Variants in TULP4 observed in about 807,000 individuals in gnomAD.
TULP4 encodes the protein TUB like protein 4.
A neutral mutation model predicts 129.0 loss-of-function variants in TULP4; 16 were observed. The observed-to-expected ratio is 0.12, with a 90% confidence interval of 0.08 to 0.19. TULP4 has a LOEUF of 0.19. TULP4 is among the 10% of genes least tolerant of loss of function. TULP4 has a pLI of 1.00. For synonymous variants in TULP4, 998 were observed against 854.0 expected (o/e 1.17, Z -2.94); for missense variants, 1,842 against 2,059.1 (o/e 0.89, Z 2.04).
At chr6:158,264,603 G>A (rs1778416657) in intron 1 of TULP4, among the ~76,000 whole-genome samples, 1 of 152,098 alleles carries the variant, frequency 6.6e-6, no homozygotes, top group African/African-American at 2.4e-5. Flanking sequence ...GCCTGGACAA[G>A]TCCCTGACGC....
At chr6:158,279,766 T>A (rs1480570233), upstream of TULP4, among the ~76,000 whole-genome samples, 2 of 152,062 alleles carry the variant, frequency 1.3e-5, no homozygotes, top group Non-Finnish European at 2.9e-5. Context: ...TCACTCTTAG[T>A]GAGATATACA....
chr6:158,317,762 A>T lies in TULP4; in HGVS notation c.252+3494A>T, dbSNP rs9456288. Among the ~76,000 whole-genome samples, 730 of 152,276 alleles carry T rather than the reference A, an allele frequency of 4.8e-3. 6 individuals are homozygous for T. The highest frequency in any genetic ancestry group is 0.016 in the African/African-American group (669 of 41,538). On this transcript the variant is annotated intron_variant, in intron 1 of 13. Coordinates refer to ENST00000367097, the MANE Select transcript of TULP4 (RefSeq NM_020245.5). ...TCTTCCACAATGGTTGAACTAGTCT[A>T]CACTCCCACCAACAGTGTAAAAGCG...
intron 1 of TULP4, among the ~76,000 whole-genome samples, chr6:158,351,026 T>C (rs939454635): frequency 6.6e-6 from 1 of 152,148 alleles, no homozygotes; most frequent in Non-Finnish European, 1.5e-5. Flanking sequence ...AGTGCTAGTA[T>C]TACAGGCATG....
At chr6:158,489,471 C>T in intron 8 of TULP4, 117 bp from the exon 9 acceptor site, 1 of 1,287,398 alleles carries the variant, frequency 7.8e-7, no homozygotes, top group Non-Finnish European at 1.1e-6. Flanking sequence ...GTTTCAACCT[C>T]TAGGTCTAAA....
At chr6:158,238,353 A>C in intron 1 of TULP4, 1 of 739,816 alleles carries the variant, frequency 1.4e-6, no homozygotes, top group South Asian at 1.6e-5. Flanking sequence ...GTAAACTGGC[A>C]GATATTTTGA....
intron 1 of TULP4, chr6:158,237,754 T>G (rs765599592): frequency 1.2e-4 from 95 of 821,698 alleles, no homozygotes; most frequent in Admixed American, 1.7e-4. Flanking sequence ...CTTCCAAATG[T>G]ATGTAGCACC....
intron 3 of TULP4, among the ~76,000 whole-genome samples, chr6:158,434,826 A>C (rs1030476197): frequency 6.6e-5 from 10 of 152,190 alleles, no homozygotes; most frequent in Admixed American, 2.6e-4. Flanking sequence ...CACTGAGGAA[A>C]GGTCAAAAGA....
In TULP4 at chr6:158,507,963, TTAC is replaced by T. The variant is rs369343188; in HGVS notation, c.*1272_*1274del. ...GTTGTTTATTAACTGTACAGACTGT[TTAC>T]TAAGGAGCTAAACCACTGAGAAAAC... On this transcript the variant is annotated 3_prime_UTR_variant, in exon 14 of 14. Coordinates refer to ENST00000367097, the MANE Select transcript of TULP4 (RefSeq NM_020245.5). 67 of 152,322 alleles carry T rather than the reference TTAC, an allele frequency of 4.4e-4. 1 individual carries two copies. The highest frequency in any genetic ancestry group is 1.4e-3 in the African/African-American group (60 of 41,574). 9.4% of individuals were successfully genotyped at this position (152,322 alleles called of 1,614,324 possible). A position where few individuals can be genotyped will look rare whatever the true frequency, so the allele number is the denominator to read the frequency against.
At chr6:158,281,516 A>G (rs887865721), upstream of TULP4, among the ~76,000 whole-genome samples, 2 of 152,156 alleles carry the variant, frequency 1.3e-5, no homozygotes, top group Admixed American at 1.3e-4. Flanking sequence ...TCCTTCCATT[A>G]GCCAGAAGGG....
chr6:158,442,712 A>G (rs1778926976), intron 3 of TULP4, among the ~76,000 whole-genome samples: 1 of 152,096 alleles, frequency 6.6e-6, no homozygotes, highest in Non-Finnish European at 1.5e-5. Flanking sequence ...GTTCCACAGG[A>G]CATTTGATGA....
At chr6:158,434,307 A>G (rs1354525242) in intron 3 of TULP4, among the ~76,000 whole-genome samples, 1 of 152,246 alleles carries the variant, frequency 6.6e-6, no homozygotes, top group African/African-American at 2.4e-5. Flanking sequence ...TAAAAGTTAC[A>G]GAAGAAATAG....
In TULP4 at chr6:158,313,980, CAT is replaced by C. The variant is rs1562516437; in HGVS notation, c.-36_-35del. The C allele has an allele frequency of 1.9e-6, 3 of 1,601,104 alleles. No individual in the cohort carries two copies. Among genetic ancestry groups the C allele is most frequent in the Non-Finnish European group, 2.6e-6 (3 of 1,171,564 alleles). ...ATTGGTTTAAATTTCACAGCATTAACATTACTTTTTAAGTAAAACAGTTCATT... is the reference window on the plus strand; with the variant it reads ...ATTGGTTTAAATTTCACAGCATTAACTACTTTTTAAGTAAAACAGTTCATT... On this transcript the variant is annotated 5_prime_UTR_variant, in exon 1 of 14. An upstream open reading frame in the 5' UTR gains an earlier in-frame stop. Transcript: ENST00000367097.
At chr6:158,267,502 A>G (rs969698182) in intron 1 of TULP4, among the ~76,000 whole-genome samples, 1 of 152,178 alleles carries the variant, frequency 6.6e-6, no homozygotes, top group Non-Finnish European at 1.5e-5. Context: ...AGGACCTGGG[A>G]GGATTCCAGA....
At chr6:158,245,929 G>C (rs1778020382) in intron 1 of TULP4, among the ~76,000 whole-genome samples, 1 of 152,106 alleles carries the variant, frequency 6.6e-6, no homozygotes, top group African/African-American at 2.4e-5. Flanking sequence ...TGGTCTCAAA[G>C]ACTGCACCAA....
chr6:158,359,758 A>G (rs1780725892), intron 1 of TULP4, among the ~76,000 whole-genome samples: 1 of 152,192 alleles, frequency 6.6e-6, no homozygotes, highest in African/African-American at 2.4e-5. Context: ...GACATTGAAT[A>G]TTAACCATCA....
intron 1 of TULP4, among the ~76,000 whole-genome samples, chr6:158,405,357 G>A (rs1777954463): frequency 6.6e-6 from 1 of 152,208 alleles, no homozygotes; most frequent in African/African-American, 2.4e-5. Context: ...AAGACAGTTT[G>A]AGAGAGAAAG....
In TULP4 at chr6:158,511,366, T is replaced by C. The variant is rs1256385843; in HGVS notation, c.*4672T>C. ...AATTTGGACATAATTTCTGAGTTTATTACTACTGGCATTTTCTTTTTCCCT... is the reference window on the plus strand; with the variant it reads ...AATTTGGACATAATTTCTGAGTTTACTACTACTGGCATTTTCTTTTTCCCT... On this transcript the variant is annotated 3_prime_UTR_variant, in exon 14 of 14. Coordinates refer to ENST00000367097, the MANE Select transcript of TULP4 (RefSeq NM_020245.5). 6.7e-6 allele frequency: 1 copy of C among 150,148 alleles called. No homozygotes were observed. The highest frequency in any genetic ancestry group is 1.5e-5 in the Non-Finnish European group (1 of 67,824). 9.3% of individuals were successfully genotyped at this position (150,148 alleles called of 1,614,324 possible).
In TULP4 at chr6:158,321,465, T is replaced by C. The variant is rs149565209; in HGVS notation, c.252+7197T>C. Among the ~76,000 whole-genome samples, 5 of 152,330 alleles carry C rather than the reference T, an allele frequency of 3.3e-5. No individual in the cohort carries two copies. In the East Asian group the frequency reaches 9.6e-4, roughly 29 times the overall value. On this transcript the variant is annotated intron_variant, in intron 1 of 13. Coordinates refer to ENST00000367097, the MANE Select transcript of TULP4 (RefSeq NM_020245.5). ...CCAGACTTCATTCTCCAACTTGATA[T>C]ATGAGATACAAAAGTGGACACCAGT...
chr6:158,333,514 G>A (rs1166213711), intron 1 of TULP4, among the ~76,000 whole-genome samples: 2 of 152,204 alleles, frequency 1.3e-5, no homozygotes, highest in Non-Finnish European at 2.9e-5. Context: ...GGCAGCACAA[G>A]CAGGCTAATA....
Sources: gnomAD v4.1 joint callset for allele counts (sites outside exome capture counted in the v4.1 genomes callset) on GRCh38, gnomAD v4.1.1 for gene constraint, MANE v1.5 for transcripts, NCBI Gene and HGNC (gene_info 2026-07-23, HGNC 2026-07-21) for gene names.